The following RAB11FIP2 variants were observed in gnomAD, a reference collection of about 807,000 sequenced individuals.
RAB11FIP2 encodes rab11 family-interacting protein 2.
A neutral mutation model predicts 40.9 loss-of-function variants in RAB11FIP2; 16 were observed. The observed-to-expected ratio is 0.39, with a 90% CI of 0.26 to 0.59. RAB11FIP2 has a LOEUF of 0.59. Among genes scored for constraint, RAB11FIP2 ranks in the 20% least tolerant of loss-of-function variants. The pLI, the probability that RAB11FIP2 is intolerant of heterozygous loss-of-function variation, is 0.53. For missense variants in RAB11FIP2, 532 were observed against 606.2 expected, an observed-to-expected ratio of 0.88 and a Z score of 1.28; for synonymous variants, 228 against 213.7, an observed-to-expected ratio of 1.07 and a Z score of -0.58.
intron 3 of RAB11FIP2, among the ~76,000 whole-genome samples, chr10:118,024,673 A>C (rs2928123): frequency 1.6e-4 from 25 of 152,252 alleles, no homozygotes; most frequent in African/African-American, 5.8e-4. Flanking sequence ...GTGTAAGGAT[A>C]ATGTGGAGAG....
chr10:118,022,422 C>T (rs1406798554), intron 3 of RAB11FIP2, among the ~76,000 whole-genome samples: 1 of 152,154 alleles, frequency 6.6e-6, no homozygotes, highest in African/African-American at 2.4e-5. Context: ...CTCTAACCTC[C>T]TCCTGAATAA....
At chr10:118,030,999 C>T (rs1846407149) in intron 3 of RAB11FIP2, among the ~76,000 whole-genome samples, 1 of 152,082 alleles carries the variant, frequency 6.6e-6, no homozygotes, top group Admixed American at 6.6e-5. Flanking sequence ...TCATTGGATA[C>T]ATTCTGTAAA....
intron 3 of RAB11FIP2, chr10:118,033,855 TA>T: frequency 1.5e-6 from 1 of 647,176 alleles, no homozygotes; most frequent in South Asian, 1.6e-5. Context: ...AGTGCTCTAA[TA>T]AATATATATA....
At chr10:118,033,604 G>A (rs1441853943) in intron 3 of RAB11FIP2, among the ~76,000 whole-genome samples, 1 of 152,152 alleles carries the variant, frequency 6.6e-6, no homozygotes. Context: ...AAGGACCTCA[G>A]TGTAGAGACA....
At chr10:118,010,577 G>A (rs1452546598) in intron 4 of RAB11FIP2, among the ~76,000 whole-genome samples, 3 of 152,056 alleles carry the variant, frequency 2.0e-5, no homozygotes. Context: ...CAAGGAACCA[G>A]GACTTTACCA....
rs557428692 is a variant in RAB11FIP2 at position 118,023,829 on chromosome 10, C to T, written c.1266-8719G>A. On this transcript the variant is annotated intron_variant, in intron 3 of 4. Coordinates refer to ENST00000355624, the MANE Select transcript of RAB11FIP2 (RefSeq NM_014904.3). The stretch of plus-strand genomic sequence containing the variant: ...GGTAAAGAACAGAAATAGGGGCTCA[C>T]GCCTGTAATTTCAGCACTCTGGGAG... Among the ~76,000 whole-genome samples, 5 of 152,242 alleles carry T rather than the reference C, an allele frequency of 3.3e-5. No individual in the cohort carries two copies. The East Asian group carries it at 5.8e-4, about 18-fold the overall frequency.
Position 118,040,326 on chromosome 10 carries a change from C to T in RAB11FIP2, c.593G>A (p.Ser198Asn). The change falls in exon 2 of 5, where the codon AGT (serine) becomes AAT (asparagine). Residue 198 changes from serine to asparagine, a missense_variant. By Grantham distance (46) the Ser-to-Asn change is conservative. Coordinates refer to ENST00000355624, the MANE Select transcript of RAB11FIP2 (RefSeq NM_014904.3). ...IPSTHMPDAN[S>N]EFSSGEIQMK... ...CTGTATTTCACCACTTGAAAATTCACTATTGGCATCGGGCATGTGAGTACT... is the reference window on the plus strand; with the variant it reads ...CTGTATTTCACCACTTGAAAATTCATTATTGGCATCGGGCATGTGAGTACT... The T allele has an allele frequency of 6.2e-7, 1 of 1,613,928 alleles. No individual in the cohort carries two copies.
intron 1 of RAB11FIP2, among the ~76,000 whole-genome samples, chr10:118,041,985 C>A (rs537112165): frequency 6.6e-6 from 1 of 151,944 alleles, no homozygotes; most frequent in Non-Finnish European, 1.5e-5. Flanking sequence ...GAAATGACAG[C>A]GATTTCTGTG....
At chr10:118,041,490 T>C (rs1846557864) in intron 1 of RAB11FIP2, among the ~76,000 whole-genome samples, 1 of 152,122 alleles carries the variant, frequency 6.6e-6, no homozygotes, top group Admixed American at 6.5e-5. Flanking sequence ...GGTCATTCTA[T>C]GGGAAAACAG....
At chr10:118,034,063 T>C (rs757162193) in intron 3 of RAB11FIP2, 22 of 700,442 alleles carry the variant, frequency 3.1e-5, no homozygotes, top group Middle Eastern at 2.3e-4. Context: ...AAACAATAAA[T>C]AGTTTTAGCT....
intron 4 of RAB11FIP2, 140 bp from the exon 5 acceptor site, chr10:118,009,365 T>G (rs1351166307): frequency 7.6e-6 from 6 of 789,288 alleles, no homozygotes; most frequent in African/African-American, 1.8e-5. Flanking sequence ...ATGTGACAGT[T>G]CACAAATTGG....
intron 3 of RAB11FIP2, among the ~76,000 whole-genome samples, chr10:118,019,471 C>T (rs1846258193): frequency 6.6e-6 from 1 of 152,114 alleles, no homozygotes; most frequent in South Asian, 2.1e-4. Context: ...GAAGAACTGA[C>T]ATTAACTATT....
chr10:118,039,422 T>C lies in RAB11FIP2; in HGVS notation c.815A>G (p.His272Arg). Reference sequence around the variant, plus strand: ...AGTATCAAAGCTTAATGTTCTTCTGTGTGGAGATTTGAGACTTCCTACAAA... The same window carrying C: ...AGTATCAAAGCTTAATGTTCTTCTGCGTGGAGATTTGAGACTTCCTACAAA... ...VPESGSLKSPHRRTLSFDTSK... is the reference protein window; with the variant it reads ...VPESGSLKSPRRRTLSFDTSK... Residue 272 changes from histidine to arginine, a missense_variant, in exon 3 of 5, where the codon CAC (histidine) becomes CGC (arginine). His to Arg is a conservative substitution (Grantham distance 29). Coordinates refer to ENST00000355624, the MANE Select transcript of RAB11FIP2 (RefSeq NM_014904.3). The C allele has an allele frequency of 6.2e-7, 1 of 1,611,496 alleles. No homozygotes were observed.
At chr10:118,027,308 T>C (rs1846355178) in intron 3 of RAB11FIP2, among the ~76,000 whole-genome samples, 1 of 152,254 alleles carries the variant, frequency 6.6e-6, no homozygotes, top group Non-Finnish European at 1.5e-5. Context: ...ATACTTATCC[T>C]ATACTCCCTT....
At chr10:118,014,819 A>G (rs1174944929) in intron 4 of RAB11FIP2, among the ~76,000 whole-genome samples, 1 of 152,182 alleles carries the variant, frequency 6.6e-6, no homozygotes, top group Non-Finnish European at 1.5e-5. Flanking sequence ...TGTATATTCT[A>G]AATTGGCTTC....
chr10:118,022,721 C>T (rs969467662), intron 3 of RAB11FIP2, among the ~76,000 whole-genome samples: 2 of 152,188 alleles, frequency 1.3e-5, no homozygotes, highest in Non-Finnish European at 2.9e-5. Context: ...TACTGCAAGC[C>T]ACTTAAAGGA....
chr10:118,019,834 A>G (rs1846262687), intron 3 of RAB11FIP2, among the ~76,000 whole-genome samples: 3 of 151,752 alleles, frequency 2.0e-5, no homozygotes, highest in African/African-American at 7.3e-5. Flanking sequence ...TCAAAGAAAA[A>G]AAAAAAAAAG....
rs1589650665 is a variant in RAB11FIP2 at position 118,046,086 on chromosome 10, C to T, written c.78G>A (p.Lys26=). 6.2e-7 allele frequency: 1 copy of T among 1,614,210 alleles called. No individual in the cohort carries two copies. Residue 26 remains lysine (K), a synonymous_variant, in exon 1 of 5, where the codon AAG becomes AAA. Coordinates refer to ENST00000355624, the MANE Select transcript of RAB11FIP2 (RefSeq NM_014904.3). ...CATTGGTACCACTTTTGCCTTTTGGCTTCAGATCTTTGGCTTGGAGCACTG... is the reference window on the plus strand; with the variant it reads ...CATTGGTACCACTTTTGCCTTTTGGTTTCAGATCTTTGGCTTGGAGCACTG... ...QVTVLQAKDL[K]PKGKSGTNDT...
chr10:118,028,771 A>C (rs1390185359), intron 3 of RAB11FIP2, among the ~76,000 whole-genome samples: 3 of 152,152 alleles, frequency 2.0e-5, no homozygotes, highest in African/African-American at 7.2e-5. Context: ...GCTTTGGTCA[A>C]GCCAAAACCA....
Sources: gnomAD v4.1 joint callset for allele counts (sites outside exome capture counted in the v4.1 genomes callset) on GRCh38, gnomAD v4.1.1 for gene constraint, MANE v1.5 for transcripts, NCBI Gene and HGNC (gene_info 2026-07-23, HGNC 2026-07-21) for gene names.